The following RBFOX1 variants were observed in gnomAD, a reference collection of about 807,000 sequenced individuals.
RBFOX1 encodes RNA binding protein fox-1 homolog 1.
In RBFOX1, 8 loss-of-function variants were observed where a neutral mutation model predicts 57.7. That is an observed-to-expected ratio of 0.14 (90% CI 0.08 to 0.25). The LOEUF (loss-of-function observed/expected upper bound fraction) is 0.25. Ranked by LOEUF, RBFOX1 falls within the 10% of genes least tolerant of loss-of-function variation. The pLI, the probability that RBFOX1 is intolerant of heterozygous loss-of-function variation, is 1.00. For synonymous variants in RBFOX1, 326 were observed against 222.4 expected, an observed-to-expected ratio of 1.47 and a Z score of -4.15; for missense variants, 611 against 548.5, an observed-to-expected ratio of 1.11 and a Z score of -1.14.
chr16:5,505,441 G>A (rs1480212787), intron 2 of RBFOX1, among the ~76,000 whole-genome samples: 2 of 152,136 alleles, frequency 1.3e-5, no homozygotes, highest in African/African-American at 4.8e-5. Context: ...TAGAGAATTG[G>A]GGGTGGGTTT....
chr16:5,795,874 G>T (rs1247160725), intron 3 of RBFOX1, among the ~76,000 whole-genome samples: 2 of 152,172 alleles, frequency 1.3e-5, no homozygotes, highest in Non-Finnish European at 2.9e-5. Context: ...CACAGTCTCT[G>T]TTGCATTTTC....
At chr16:6,831,225 C>G (rs1288650408) in intron 3 of RBFOX1, among the ~76,000 whole-genome samples, 1 of 152,162 alleles carries the variant, frequency 6.6e-6, no homozygotes, top group African/African-American at 2.4e-5. Context: ...TACCTTAAAC[C>G]TTGGCTTGAC....
intron 3 of RBFOX1, among the ~76,000 whole-genome samples, chr16:6,674,378 A>G (rs199651658): frequency 7.3e-4 from 111 of 151,414 alleles, no homozygotes; most frequent in African/African-American, 2.5e-3. Flanking sequence ...CTGGAGTGCA[A>G]TGGTGCGATC....
chr16:6,942,419 A>G (rs2078708900), intron 3 of RBFOX1, among the ~76,000 whole-genome samples: 1 of 152,124 alleles, frequency 6.6e-6, no homozygotes, highest in African/African-American at 2.4e-5. Flanking sequence ...TCAGCCTCCC[A>G]AAATGCTGGG....
At position 5,284,756 on chromosome 16, in the gene RBFOX1, A is replaced by ATTTTTTTTTTTTTTTTTTT. The variant is rs1166998032; in HGVS notation, c.219+44659_219+44677dup. On this transcript the variant is annotated intron_variant, in intron 1 of 2. Coordinates refer to the RBFOX1 transcript ENST00000585867. ...GCTGGGTATAGTAGTTTTGGCTTAG[A>ATTTTTTTTTTTTTTTTTTT]TTTTTTTTTTTTTTTTTTTTTTTTT... is the stretch of plus-strand genomic sequence containing the variant. Among the ~76,000 whole-genome samples the ATTTTTTTTTTTTTTTTTTT allele has an allele frequency of 1.2e-3, 71 of 61,046 alleles. 3 individuals carry two copies. The highest frequency in any genetic ancestry group is 1.3e-3 in the Non-Finnish European group (44 of 33,616). 40.0% of individuals were successfully genotyped at this position (61,046 alleles called of 152,430 possible).
intron 3 of RBFOX1, among the ~76,000 whole-genome samples, chr16:5,669,422 C>CTTTTT (rs34318850): frequency 1.4e-4 from 16 of 118,504 alleles, no homozygotes; most frequent in African/African-American, 2.6e-4. Flanking sequence ...AACAAGTTGG[C>CTTTTT]TTTTTTTTTT....
intron 2 of RBFOX1, among the ~76,000 whole-genome samples, chr16:6,619,001 C>T (rs761527389): frequency 6.6e-6 from 1 of 152,130 alleles, no homozygotes; most frequent in Non-Finnish European, 1.5e-5. Context: ...TGAAAAGACA[C>T]TGTGAGAGGA....
intron 2 of RBFOX1, among the ~76,000 whole-genome samples, chr16:6,395,520 A>G (rs925047078): frequency 1.3e-5 from 2 of 151,800 alleles, no homozygotes; most frequent in African/African-American, 4.8e-5. Flanking sequence ...TTAAGTTCTT[A>G]CTTTTTTTTT....
chr16:7,202,065 G>C (rs1011905358), intron 4 of RBFOX1, among the ~76,000 whole-genome samples: 4 of 151,982 alleles, frequency 2.6e-5, no homozygotes, highest in African/African-American at 9.7e-5. Flanking sequence ...TCCTAGAGCC[G>C]CTTAACTGTC....
rs536850734 is a variant in RBFOX1 at position 7,660,887 on chromosome 16, C to T, written c.891-4042C>T. Among the ~76,000 whole-genome samples, 222 of 152,128 alleles carry T rather than the reference C, an allele frequency of 1.5e-3. 1 individual carries two copies. Among genetic ancestry groups the T allele is most frequent in the Non-Finnish European group, 2.7e-3 (182 of 68,038 alleles). On this transcript the variant is annotated intron_variant, in intron 12 of 15. Transcript: ENST00000550418. ...TACTTAAGAGTTTGCACTGTGGAGC[C>T]GGACCCCCTGGGCTCAAATCCCAGT...
At chr16:7,187,644 G>T (rs1344896287) in intron 4 of RBFOX1, among the ~76,000 whole-genome samples, 1 of 123,824 alleles carries the variant, frequency 8.1e-6, no homozygotes, top group African/African-American at 3.1e-5. Flanking sequence ...AGCCGAGATC[G>T]TGCCACTGCA....
chr16:7,149,156 T>C (rs1309736707), intron 4 of RBFOX1, among the ~76,000 whole-genome samples: 4 of 152,276 alleles, frequency 2.6e-5, no homozygotes, highest in African/African-American at 9.6e-5. Flanking sequence ...TGGAAATCAT[T>C]TCCTACTGCC....
chr16:5,651,040 C>CTTTTT (rs869240597), intron 3 of RBFOX1, among the ~76,000 whole-genome samples: 2,622 of 56,868 alleles, frequency 0.046, 852 homozygotes, highest in Non-Finnish European at 0.06. Context: ...CTACCTCCTT[C>CTTTTT]TTTTTTTTTT....
chr16:5,970,316 A>G (rs2059937437), intron 4 of RBFOX1, among the ~76,000 whole-genome samples: 1 of 152,086 alleles, frequency 6.6e-6, no homozygotes. Context: ...ATTAGAGACT[A>G]TATGGCCATC....
intron 4 of RBFOX1, among the ~76,000 whole-genome samples, chr16:7,201,286 G>A (rs562789961): frequency 6.6e-6 from 1 of 152,246 alleles, no homozygotes; most frequent in South Asian, 2.1e-4. Flanking sequence ...AAACAACGGA[G>A]AGCCAGGTAG....
chr16:6,797,576 C>A (rs1399285267), intron 3 of RBFOX1, among the ~76,000 whole-genome samples: 1 of 152,142 alleles, frequency 6.6e-6, no homozygotes, highest in African/African-American at 2.4e-5. Context: ...GAAGCACTTT[C>A]CATTTTCATG....
At chr16:5,951,771 A>G (rs929770545) in intron 4 of RBFOX1, among the ~76,000 whole-genome samples, 38 of 148,670 alleles carry the variant, frequency 2.6e-4, no homozygotes, top group African/African-American at 9.2e-4. Context: ...TTTAAAGGAC[A>G]CAAGGGATAG....
chr16:5,864,778 C>G (rs909877307), intron 3 of RBFOX1, among the ~76,000 whole-genome samples: 1 of 152,070 alleles, frequency 6.6e-6, no homozygotes, highest in Non-Finnish European at 1.5e-5. Flanking sequence ...TGGCTAGAAC[C>G]GTGTTTTGCC....
At chr16:6,741,774 T>C (rs1190198111) in intron 3 of RBFOX1, among the ~76,000 whole-genome samples, 4 of 152,056 alleles carry the variant, frequency 2.6e-5, no homozygotes, top group Non-Finnish European at 5.9e-5. Flanking sequence ...TCATATCTAA[T>C]AAAGAATTAA....
Sources: gnomAD v4.1 joint callset for allele counts (sites outside exome capture counted in the v4.1 genomes callset) on GRCh38, gnomAD v4.1.1 for gene constraint, MANE v1.5 for transcripts, NCBI Gene and HGNC (gene_info 2026-07-23, HGNC 2026-07-21) for gene names.